The following GTF2F2 variants were observed in gnomAD, a reference collection of about 807,000 sequenced individuals.
GTF2F2 encodes general transcription factor IIF subunit 2.
In GTF2F2, 23 loss-of-function variants were observed where a neutral mutation model predicts 42.2. The observed-to-expected ratio is 0.55, with a 90% CI of 0.39 to 0.77. GTF2F2 has a LOEUF of 0.77. Ranked by LOEUF, GTF2F2 falls within the 30% of genes least tolerant of loss-of-function variation. The pLI is 0.00. For synonymous variants in GTF2F2, 105 were observed against 100.8 expected (o/e 1.04, Z -0.25); for missense variants, 261 against 287.2 (o/e 0.91, Z 0.66).
intron 4 of GTF2F2, among the ~76,000 whole-genome samples, chr13:45,182,471 G>C (rs1475487336): frequency 6.6e-6 from 1 of 152,026 alleles, no homozygotes; most frequent in Admixed American, 6.5e-5. Context: ...GTGATCTTAA[G>C]TGTTTTTTAA....
At position 45,212,447 on chromosome 13, in the gene GTF2F2, G is replaced by GTTTCTTTCTTTTCTTTTC. The variant is rs765065810; in HGVS notation, c.386+4953_386+4954insTCTTTTCTTTCTTTCTTT. Among the ~76,000 whole-genome samples the GTTTCTTTCTTTTCTTTTC allele has an allele frequency of 2.0e-3, 92 of 45,682 alleles. 2 individuals are homozygous for GTTTCTTTCTTTTCTTTTC. Among genetic ancestry groups the GTTTCTTTCTTTTCTTTTC allele is most frequent in the Non-Finnish European group, 2.4e-3 (57 of 23,452 alleles). The allele number at this position is 45,682 out of a possible 152,430, so 30.0% of individuals were successfully genotyped here. A position where few individuals can be genotyped will look rare whatever the true frequency, so the allele number is the denominator to read the frequency against. On this transcript the variant is annotated intron_variant, in intron 5 of 7. Transcript: ENST00000340473. ...TGATTTCTTTCTTTCTTTCTTTCTT[G>GTTTCTTTCTTTTCTTTTC]TTTCTTTCTTTCTTTCTTTCTTTCT...
intron 1 of GTF2F2, among the ~76,000 whole-genome samples, chr13:45,132,070 G>A (rs971443101): frequency 6.6e-6 from 1 of 152,184 alleles, no homozygotes; most frequent in African/African-American, 2.4e-5. Flanking sequence ...TAATAGGATT[G>A]TGTGAGAAGT....
At chr13:45,166,656 G>T (rs77317344) in intron 4 of GTF2F2, among the ~76,000 whole-genome samples, 3,099 of 152,230 alleles carry the variant, frequency 0.02, 79 homozygotes, top group South Asian at 0.057. Context: ...TAGGGAATAG[G>T]GGGCTTTAAA....
intron 4 of GTF2F2, among the ~76,000 whole-genome samples, chr13:45,175,786 C>G (rs1196562336): frequency 1.3e-5 from 2 of 152,102 alleles, no homozygotes; most frequent in Non-Finnish European, 2.9e-5. Context: ...CTACACCTGG[C>G]TAATTGTGTG....
chr13:45,163,878 A>T (rs1871147918), intron 4 of GTF2F2, among the ~76,000 whole-genome samples: 1 of 152,082 alleles, frequency 6.6e-6, no homozygotes, highest in African/African-American at 2.4e-5. Context: ...TGAGGGCTGG[A>T]TGTGGTGGCT....
At chr13:45,258,936 C>G (rs1192218293) in intron 6 of GTF2F2, among the ~76,000 whole-genome samples, 1 of 152,214 alleles carries the variant, frequency 6.6e-6, no homozygotes, top group East Asian at 1.9e-4. Context: ...AAGGGCGACT[C>G]TGTGTGTTCT....
intron 1 of GTF2F2, among the ~76,000 whole-genome samples, chr13:45,134,301 C>T (rs1056386318): frequency 3.9e-5 from 6 of 152,162 alleles, no homozygotes; most frequent in Middle Eastern, 3.2e-3. Flanking sequence ...ACACCCTTGT[C>T]AGCTTGATGA....
intron 5 of GTF2F2, among the ~76,000 whole-genome samples, chr13:45,250,497 T>G (rs888863197): frequency 4.6e-5 from 7 of 152,182 alleles, no homozygotes; most frequent in African/African-American, 1.7e-4. Context: ...CAGTTAATTA[T>G]AGTATTAAAT....
At chr13:45,173,612 A>ATTTTTT (rs56033747) in intron 4 of GTF2F2, among the ~76,000 whole-genome samples, 21 of 93,692 alleles carry the variant, frequency 2.2e-4, no homozygotes, top group Non-Finnish European at 2.8e-4. Flanking sequence ...TAACTTTGTC[A>ATTTTTT]TTTTTTTTTT....
chr13:45,230,753 C>T (rs1004168009), intron 5 of GTF2F2, among the ~76,000 whole-genome samples: 4 of 152,148 alleles, frequency 2.6e-5, no homozygotes, highest in African/African-American at 9.7e-5. Flanking sequence ...ATTTATGTGG[C>T]ATTGTAACAT....
intron 3 of GTF2F2, among the ~76,000 whole-genome samples, chr13:45,150,681 A>G (rs1870445600): frequency 1.5e-5 from 1 of 68,784 alleles, no homozygotes; most frequent in Admixed American, 1.2e-4. Context: ...TTTTTTTGAG[A>G]TGGAGTCTCA....
chr13:45,204,319 C>T (rs1216965836), intron 4 of GTF2F2, among the ~76,000 whole-genome samples: 1 of 152,072 alleles, frequency 6.6e-6, no homozygotes, highest in Non-Finnish European at 1.5e-5. Context: ...GGGTAGGAGC[C>T]GTGTTTCATT....
intron 4 of GTF2F2, among the ~76,000 whole-genome samples, chr13:45,173,923 G>C (rs1397265674): frequency 6.6e-6 from 1 of 152,036 alleles, no homozygotes; most frequent in Non-Finnish European, 1.5e-5. Flanking sequence ...GGCCAACTTT[G>C]TCACTTTTTA....
intron 2 of GTF2F2, among the ~76,000 whole-genome samples, chr13:45,141,062 TC>T (rs1435319151): frequency 1.3e-5 from 2 of 152,230 alleles, no homozygotes. Context: ...ACTCAAATGT[TC>T]TCCTTCCATG....
chr13:45,235,812 C>G (rs1476258586), intron 5 of GTF2F2, among the ~76,000 whole-genome samples: 1 of 151,918 alleles, frequency 6.6e-6, no homozygotes, highest in Non-Finnish European at 1.5e-5. Context: ...ACCATGTTGA[C>G]CGTGCTGGTC....
At chr13:45,237,702 G>C (rs1260384006) in intron 5 of GTF2F2, among the ~76,000 whole-genome samples, 1 of 152,150 alleles carries the variant, frequency 6.6e-6, no homozygotes, top group Non-Finnish European at 1.5e-5. Flanking sequence ...CCATACCATG[G>C]TACATTCTTT....
intron 4 of GTF2F2, chr13:45,193,710 T>C (rs1378693019): frequency 5.2e-6 from 7 of 1,350,344 alleles, no homozygotes; most frequent in Non-Finnish European, 7.1e-6. Flanking sequence ...GGGCATGTTA[T>C]TTGGGATGTC....
rs1366899166 is a variant in GTF2F2 at position 45,215,781 on chromosome 13, CTGTT to C, written c.386+8282_386+8285del. On this transcript the variant is annotated intron_variant, in intron 5 of 7. Coordinates refer to ENST00000340473, the MANE Select transcript of GTF2F2 (RefSeq NM_004128.3). ...TGAAAAAAAAAAAAAAAGACTAAAA[CTGTT>C]TGTTTTAAGAAAGACTCCTTAGGGA... Among the ~76,000 whole-genome samples the C allele has an allele frequency of 2.7e-5, 4 of 150,064 alleles. No homozygotes were observed. The East Asian group carries it at 7.9e-4, about 30-fold the overall frequency.
Position 45,149,754 on chromosome 13 carries a change from T to G in GTF2F2, c.141-16T>G. 6.6e-7 allele frequency: 1 copy of G among 1,508,314 alleles called. No homozygotes were observed. 93.4% of individuals were successfully genotyped at this position (1,508,314 alleles called of 1,614,324 possible). On this transcript the variant is annotated splice_polypyrimidine_tract_variant and intron_variant, in intron 2 of 7. Coordinates refer to ENST00000340473, the MANE Select transcript of GTF2F2 (RefSeq NM_004128.3). ...AAATCTAAATTATTTTAAATATTTCTTTTCCTCTCCTTTAGGACTCAAGGA... is the reference window on the plus strand; with the variant it reads ...AAATCTAAATTATTTTAAATATTTCGTTTCCTCTCCTTTAGGACTCAAGGA...
Sources: allele counts gnomAD v4.1 joint callset (sites outside exome capture counted in the v4.1 genomes callset), GRCh38; gene constraint gnomAD v4.1.1; transcripts MANE v1.5; gene names NCBI Gene and HGNC (gene_info 2026-07-23, HGNC 2026-07-21).